PLGRKT: variants seen among roughly 807,000 people sequenced by gnomAD.
PLGRKT encodes the protein plasminogen receptor with a C-terminal lysine, also known as plasminogen receptor (KT).
PLGRKT carries 22 observed loss-of-function variants against 18.5 expected under a neutral mutation model. The observed-to-expected ratio is 1.19, with a 90% confidence interval of 0.85 to 1.70. The LOEUF is 1.70. Ranked by LOEUF, PLGRKT falls within the 40% of genes most tolerant of loss-of-function variation. The probability of loss-of-function intolerance (pLI) is 0.00; values close to 1 mark genes in which losing one functional copy is unlikely to be tolerated. For synonymous variants in PLGRKT, 72 were observed against 52.8 expected (o/e 1.36, Z -1.58); for missense variants, 235 against 174.4 (o/e 1.35, Z -1.96).
chr9:5,435,485 T>A (rs960139024), intron 2 of PLGRKT, among the ~76,000 whole-genome samples: 2 of 152,076 alleles, frequency 1.3e-5, no homozygotes, highest in African/African-American at 4.8e-5. Flanking sequence ...TCACTCTCAT[T>A]CTCTCCAAGA....
chr9:5,388,623 C>T (rs913915051), intron 3 of PLGRKT, among the ~76,000 whole-genome samples: 4 of 152,022 alleles, frequency 2.6e-5, no homozygotes, highest in Admixed American at 2.0e-4. Context: ...TTTGGAATAG[C>T]CCAAGGGCAT....
chr9:5,364,287 A>C (rs1817334419), intron 3 of PLGRKT, among the ~76,000 whole-genome samples: 1 of 152,104 alleles, frequency 6.6e-6, no homozygotes. Flanking sequence ...GAAATGAAAG[A>C]CTCATAGCTC....
At chr9:5,397,083 G>A (rs904696083) in intron 3 of PLGRKT, among the ~76,000 whole-genome samples, 2 of 151,940 alleles carry the variant, frequency 1.3e-5, no homozygotes, top group Non-Finnish European at 2.9e-5. Context: ...AGTAAATTTT[G>A]ATGCTGGAAG....
intron 3 of PLGRKT, among the ~76,000 whole-genome samples, chr9:5,397,730 A>G (rs3858047): frequency 0.37 from 55,308 of 151,342 alleles, 12,015 homozygotes; most frequent in African/African-American, 0.58. Flanking sequence ...CAAGAACACT[A>G]CAAGCAGCTG....
In PLGRKT at chr9:5,358,045, A is replaced by C; in HGVS notation, c.*194T>G. On this transcript the variant is annotated 3_prime_UTR_variant, in exon 6 of 6. Coordinates refer to ENST00000223864, the MANE Select transcript of PLGRKT (RefSeq NM_018465.4). ...TGCACACAGAGAGAGGAAATCTAAA[A>C]GTTATTTAGAGCACCTCCATGATTT... The C allele has an allele frequency of 2.3e-6, 1 of 441,988 alleles. No individual in the cohort carries two copies. Among genetic ancestry groups the C allele is most frequent in the Non-Finnish European group, 4.0e-6 (1 of 250,654 alleles). The allele number at this position is 441,988 out of a possible 1,614,324, so 27.4% of individuals were successfully genotyped here.
intron 3 of PLGRKT, among the ~76,000 whole-genome samples, chr9:5,362,104 A>G (rs148470908): frequency 6.6e-6 from 1 of 152,320 alleles, no homozygotes; most frequent in African/African-American, 2.4e-5. Flanking sequence ...CAGAATAAAT[A>G]TCAATATTCC....
At chr9:5,367,982 G>A (rs1563767182) in intron 3 of PLGRKT, among the ~76,000 whole-genome samples, 1 of 152,056 alleles carries the variant, frequency 6.6e-6, no homozygotes, top group East Asian at 1.9e-4. Context: ...ACAAGCATAT[G>A]AAAAAATGTT....
intron 3 of PLGRKT, among the ~76,000 whole-genome samples, chr9:5,366,757 AG>A (rs1817398012): frequency 6.6e-6 from 1 of 152,180 alleles, no homozygotes; most frequent in Non-Finnish European, 1.5e-5. Context: ...CAGAGCAATC[AG>A]GCAAGAGAAA....
intron 3 of PLGRKT, among the ~76,000 whole-genome samples, chr9:5,420,837 C>T (rs1406862926): frequency 6.6e-6 from 1 of 152,136 alleles, no homozygotes; most frequent in Non-Finnish European, 1.5e-5. Context: ...GTTGGTACAG[C>T]CTTCTCCTCA....
intron 3 of PLGRKT, among the ~76,000 whole-genome samples, chr9:5,396,141 G>T (rs569372910): frequency 6.6e-6 from 1 of 150,742 alleles, no homozygotes; most frequent in Admixed American, 6.6e-5. Flanking sequence ...TGATCAGTCC[G>T]CCTCAGCCTC....
chr9:5,364,750 C>T (rs1342278540), intron 3 of PLGRKT, among the ~76,000 whole-genome samples: 1 of 152,180 alleles, frequency 6.6e-6, no homozygotes, highest in African/African-American at 2.4e-5. Flanking sequence ...TCTGAAACTG[C>T]TTTACATGTC....
intron 3 of PLGRKT, among the ~76,000 whole-genome samples, chr9:5,375,697 T>C (rs1410377851): frequency 1.3e-5 from 2 of 152,030 alleles, no homozygotes; most frequent in African/African-American, 2.4e-5. Flanking sequence ...AAACAGAAAA[T>C]AACCACTGTT....
intron 3 of PLGRKT, among the ~76,000 whole-genome samples, chr9:5,426,604 A>G (rs541572491): frequency 7.2e-5 from 11 of 152,366 alleles, no homozygotes; most frequent in African/African-American, 2.6e-4. Context: ...TTGATCAACA[A>G]GAAAAACCTA....
intron 3 of PLGRKT, among the ~76,000 whole-genome samples, chr9:5,391,545 G>A (rs1032185758): frequency 2.0e-5 from 3 of 151,954 alleles, no homozygotes; most frequent in African/African-American, 7.3e-5. Flanking sequence ...CAGAAGCAGT[G>A]ATAAACTGGT....
At chr9:5,411,212 C>T (rs895364786) in intron 3 of PLGRKT, among the ~76,000 whole-genome samples, 3 of 151,694 alleles carry the variant, frequency 2.0e-5, no homozygotes, top group Non-Finnish European at 4.4e-5. Context: ...GGTGAAACCC[C>T]GTCTCTACTA....
chr9:5,375,634 TC>T (rs1817613302), intron 3 of PLGRKT, among the ~76,000 whole-genome samples: 1 of 152,200 alleles, frequency 6.6e-6, no homozygotes, highest in African/African-American at 2.4e-5. Context: ...ATTGCCACTT[TC>T]TACCCAAGAG....
chr9:5,430,397 C>A (rs954715754), intron 3 of PLGRKT, among the ~76,000 whole-genome samples: 3 of 152,196 alleles, frequency 2.0e-5, no homozygotes, highest in African/African-American at 7.2e-5. Flanking sequence ...TGCTCTGTTA[C>A]AATAATTCAG....
At chr9:5,365,055 C>G (rs1817355123) in intron 3 of PLGRKT, among the ~76,000 whole-genome samples, 1 of 152,110 alleles carries the variant, frequency 6.6e-6, no homozygotes. Flanking sequence ...GAGGCAATAA[C>G]AACCCCTTGC....
chr9:5,423,802 A>AAGCAATCCTCCCACCTCAGACTCC, intron 3 of PLGRKT, among the ~76,000 whole-genome samples: 1 of 150,494 alleles, frequency 6.6e-6, no homozygotes, highest in East Asian at 1.9e-4. Flanking sequence ...CCCCAGGCTC[A>AAGCAATCCTCCCACCTCAGACTCC]AGCAATCCTC....
Sources: allele counts gnomAD v4.1 joint callset (sites outside exome capture counted in the v4.1 genomes callset), GRCh38; gene constraint gnomAD v4.1.1; transcripts MANE v1.5; gene names NCBI Gene and HGNC (gene_info 2026-07-23, HGNC 2026-07-21).